SLC22A24: variants seen among roughly 807,000 people sequenced by gnomAD.
SLC22A24 encodes steroid transmembrane transporter SLC22A24.
In SLC22A24, 53 loss-of-function variants were observed where a neutral mutation model predicts 49.8. That is an observed-to-expected ratio of 1.06 (90% CI 0.85 to 1.34). SLC22A24 has a LOEUF of 1.34. Among genes scored for constraint, SLC22A24 ranks in the 40% most tolerant of loss-of-function variants. The pLI is 0.00. For missense variants in SLC22A24, 786 were observed against 675.9 expected, an observed-to-expected ratio of 1.16 and a Z score of -1.81; for synonymous variants, 302 against 256.4, an observed-to-expected ratio of 1.18 and a Z score of -1.70.
In SLC22A24 at chr11:63,083,257, G is replaced by A. The variant is rs149573030; in HGVS notation, c.1271C>T (p.Thr424Ile). 1.0e-4 allele frequency: 158 copies of A among 1,555,670 alleles called. 1 individual carries two copies. The East Asian group carries it at 3.4e-3, about 34-fold the overall frequency. The change falls in exon 7 of 10, where the codon ACC becomes ATC. Residue 424 changes from threonine to isoleucine, a missense_variant. Physicochemically the swap from Thr to Ile is moderately conservative, Grantham distance 89. Transcript: ENST00000612278. The stretch of plus-strand genomic sequence containing the variant: ...GTCTCTCTCACCTTGGGGCAAAAAG[G>A]TGTTGACCAGAATGAAAAGTCCCAC... Reference protein sequence around the residue: ...FPVGLFILVNTFLPQEMQILR... With the variant: ...FPVGLFILVNIFLPQEMQILR...
rs58747280 is a variant in SLC22A24, at chr11:63,112,364, G to A, written c.830+6548C>T. On this transcript the variant is annotated intron_variant, in intron 4 of 9. Transcript: ENST00000612278. The stretch of plus-strand genomic sequence containing the variant: ...AGAGAGTTCTGTAGATGTCTATTAG[G>A]TCCGGTTGGTGCAGAGCTGAGTTCA... Among the ~76,000 whole-genome samples the A allele has an allele frequency of 3.8e-4, 58 of 152,272 alleles. 1 individual carries two copies. The highest frequency in any genetic ancestry group is 1.4e-3 in the African/African-American group (57 of 41,548).
intron 2 of SLC22A24, among the ~76,000 whole-genome samples, chr11:63,125,164 T>A (rs12284474): frequency 0.74 from 112,478 of 151,680 alleles, 43,132 homozygotes; most frequent in East Asian, 0.9. Flanking sequence ...CATTAAAAAA[T>A]TTTTTTATTA....
chr11:63,138,861 T>A (rs968952875), intron 1 of SLC22A24, among the ~76,000 whole-genome samples: 1 of 152,148 alleles, frequency 6.6e-6, no homozygotes. Flanking sequence ...CATGGATAGC[T>A]TTTGATTTCC....
chr11:63,113,083 TATATATAC>T lies in SLC22A24; in HGVS notation c.830+5821_830+5828del, dbSNP rs1310158454. ...ATATATATATACATATATATACACA[TATATATAC>T]ATATATATATACATATATATACACA... On this transcript the variant is annotated intron_variant, in intron 4 of 9. Coordinates refer to ENST00000612278, the MANE Select transcript of SLC22A24 (RefSeq NM_001136506.2). 3.4e-3 allele frequency among the ~76,000 whole-genome samples: 13 copies of T among 3,862 alleles called. 6 individuals are homozygous for T. The highest frequency in any genetic ancestry group is 0.023 in the Admixed American group (2 of 86). 2.5% of individuals were successfully genotyped at this position (3,862 alleles called of 152,430 possible).
chr11:63,110,119 G>T (rs58665415), intron 4 of SLC22A24, among the ~76,000 whole-genome samples: 7,617 of 151,364 alleles, frequency 0.05, 639 homozygotes, highest in African/African-American at 0.17. Context: ...TTTCCCCATT[G>T]CTTGTTTTTG....
intron 4 of SLC22A24, among the ~76,000 whole-genome samples, chr11:63,114,029 C>T (rs1236551069): frequency 6.6e-6 from 1 of 152,040 alleles, no homozygotes; most frequent in African/African-American, 2.4e-5. Flanking sequence ...GTGAATCTGA[C>T]AATTGTGTGT....
rs371771909 is a variant in SLC22A24, at chr11:63,136,253, AG to A, written c.403-1486del. ...CCAAGGTGAAACTTGCACGAAAAAA[AG>A]GTCATGGTCACTGTTTGGTTGTCTG... On this transcript the variant is annotated intron_variant, in intron 1 of 9. Coordinates refer to ENST00000612278, the MANE Select transcript of SLC22A24 (RefSeq NM_001136506.2). Among the ~76,000 whole-genome samples the A allele has an allele frequency of 4.3e-3, 651 of 152,308 alleles. 1 individual carries two copies. The highest frequency in any genetic ancestry group is 0.015 in the African/African-American group (616 of 41,572).
In SLC22A24 at chr11:63,118,848, A is replaced by T. The variant is rs1309068079; in HGVS notation, c.830+64T>A. The T allele has an allele frequency of 3.3e-6, 5 of 1,530,580 alleles. No homozygotes were observed. In the East Asian group the frequency reaches 1.2e-4, roughly 38 times the overall value. The allele number at this position is 1,530,580 out of a possible 1,614,324, so 94.8% of individuals were successfully genotyped here. On this transcript the variant is annotated intron_variant, in intron 4 of 9. Transcript: ENST00000612278. ...AGACCGAACAGATCCCAGGTGTCAG[A>T]ATTTTCCTTTCTATGTCTACCATAG...
intron 2 of SLC22A24, among the ~76,000 whole-genome samples, chr11:63,128,701 G>A (rs1374449780): frequency 6.6e-6 from 1 of 152,156 alleles, no homozygotes; most frequent in African/African-American, 2.4e-5. Context: ...CTGCCAAATT[G>A]GGAAGGGCCC....
At chr11:63,110,403 A>G (rs182847575) in intron 4 of SLC22A24, among the ~76,000 whole-genome samples, 5,940 of 151,922 alleles carry the variant, frequency 0.039, 170 homozygotes, top group Non-Finnish European at 0.063. Flanking sequence ...TGGTAGCTTG[A>G]TGGGGATGGC....
In SLC22A24 at chr11:63,143,514, T is replaced by G; in HGVS notation, c.266A>C (p.Gln89Pro). The G allele has an allele frequency of 1.3e-6, 2 of 1,599,578 alleles. No homozygotes were observed. The highest frequency in any genetic ancestry group is 8.5e-7 in the Non-Finnish European group (1 of 1,173,546). Reference sequence around the variant, plus strand: ...CTGCCACTGGGGATGGATAAAGCGCTGACACTTCTGTGGCCTCAGGTTTGA... The same window carrying G: ...CTGCCACTGGGGATGGATAAAGCGCGGACACTTCTGTGGCCTCAGGTTTGA... The part of the protein sequence containing the change: ...LDSNLRPQKC[Q>P]RFIHPQWQLL... The change falls in exon 1 of 10, where the codon CAG becomes CCG. Residue 89 changes from glutamine to proline, a missense_variant. By Grantham distance (76) the Gln-to-Pro change is moderately conservative. Coordinates refer to ENST00000612278, the MANE Select transcript of SLC22A24 (RefSeq NM_001136506.2).
chr11:63,095,609 G>C (rs1347145207), intron 6 of SLC22A24, among the ~76,000 whole-genome samples: 1 of 152,068 alleles, frequency 6.6e-6, no homozygotes, highest in East Asian at 1.9e-4. Flanking sequence ...GAGCTTGTCT[G>C]GGTGGTGGTT....
At chr11:63,083,041 C>T (rs34386161) in intron 7 of SLC22A24, among the ~76,000 whole-genome samples, 3 of 151,760 alleles carry the variant, frequency 2.0e-5, no homozygotes, top group Non-Finnish European at 2.9e-5. Flanking sequence ...TGAACCATCA[C>T]GGCTGACATT....
At position 63,122,687 on chromosome 11, in the gene SLC22A24, T is replaced by A. The variant is rs191913507; in HGVS notation, c.507-3352A>T. On this transcript the variant is annotated intron_variant, in intron 2 of 9. Coordinates refer to ENST00000612278, the MANE Select transcript of SLC22A24 (RefSeq NM_001136506.2). ...CCATCACCATGCCCAGCTAGTTTTT[T>A]TATTTTGTATTTTTAGTAGAGACGG... Among the ~76,000 whole-genome samples, 4 of 152,002 alleles carry A rather than the reference T, an allele frequency of 2.6e-5. No homozygotes were observed. In the East Asian group the frequency reaches 7.8e-4, roughly 29 times the overall value.
intron 9 of SLC22A24, among the ~76,000 whole-genome samples, chr11:63,080,451 C>G (rs1455270633): frequency 2.0e-5 from 3 of 152,086 alleles, no homozygotes; most frequent in Non-Finnish European, 2.9e-5. Flanking sequence ...AGATTTTGCT[C>G]TATGCTGTAG....
intron 4 of SLC22A24, among the ~76,000 whole-genome samples, chr11:63,108,729 T>C (rs980309450): frequency 6.6e-6 from 1 of 152,184 alleles, no homozygotes; most frequent in African/African-American, 2.4e-5. Context: ...TAGAGGTGTT[T>C]ATAGTATTCT....
At chr11:63,103,202 G>T (rs1395301357) in intron 5 of SLC22A24, among the ~76,000 whole-genome samples, 1 of 152,078 alleles carries the variant, frequency 6.6e-6, no homozygotes, top group Non-Finnish European at 1.5e-5. Context: ...CAGGGCATTT[G>T]CTCTCTTTCA....
Position 63,083,299 on chromosome 11 carries a change from A to G in SLC22A24, c.1229T>C (p.Ile410Thr), listed in dbSNP as rs1387948873. The G allele has an allele frequency of 6.4e-7, 1 of 1,561,118 alleles. No individual in the cohort carries two copies. The highest frequency in any genetic ancestry group is 1.9e-5 in the Admixed American group (1 of 52,166). Residue 410 changes from isoleucine (I) to threonine (T), a missense_variant, in exon 7 of 10, where the codon ATA (isoleucine) becomes ACA (threonine). Coordinates refer to ENST00000612278, the MANE Select transcript of SLC22A24 (RefSeq NM_001136506.2). ...LNHMGRRISQ[I>T]LFTFPVGLFI... ...AAGTCCCACCGGGAACGTGAACAAT[A>G]TCTGGCTTATTCGACGACCCATATG...
intron 4 of SLC22A24, among the ~76,000 whole-genome samples, chr11:63,105,406 C>T (rs2087114844): frequency 6.6e-6 from 1 of 151,928 alleles, no homozygotes; most frequent in African/African-American, 2.4e-5. Context: ...TCATGAGGGT[C>T]CTGCCCCACA....
Sources: gnomAD v4.1 joint callset for allele counts (sites outside exome capture counted in the v4.1 genomes callset) on GRCh38, gnomAD v4.1.1 for gene constraint, MANE v1.5 for transcripts, NCBI Gene and HGNC (gene_info 2026-07-23, HGNC 2026-07-21) for gene names.